The following COL24A1 variants were observed in gnomAD, a reference collection of about 807,000 sequenced individuals.
The protein encoded by COL24A1 is collagen type XXIV alpha 1 chain, also known as collagen alpha-1(XXIV) chain.
Under a neutral mutation model 253.9 loss-of-function variants are expected in COL24A1, and 224 were observed. The ratio of observed to expected loss-of-function variants is 0.88; its 90% CI spans 0.79 to 0.99. The LOEUF (loss-of-function observed/expected upper bound fraction) is 0.99. Among genes scored for constraint, COL24A1 ranks in the 50% least tolerant of loss-of-function variants. The probability of loss-of-function intolerance (pLI) is 0.00; values close to 1 mark genes in which losing one functional copy is unlikely to be tolerated. For missense variants in COL24A1, 2,131 were observed against 2,068.5 expected, an observed-to-expected ratio of 1.03 and a Z score of -0.59; for synonymous variants, 685 against 673.7, an observed-to-expected ratio of 1.02 and a Z score of -0.26.
At chr1:86,132,385 C>T (rs1240434227) in intron 2 of COL24A1, among the ~76,000 whole-genome samples, 1 of 152,080 alleles carries the variant, frequency 6.6e-6, no homozygotes, top group Non-Finnish European at 1.5e-5. Context: ...TCCCATTTGT[C>T]AATTTTGGCT....
At chr1:86,022,932 C>T (rs761670463) in intron 15 of COL24A1, 22 bp downstream of exon 15, 8 of 1,612,626 alleles carry the variant, frequency 5.0e-6, no homozygotes, top group Admixed American at 1.7e-5. Context: ...GGGAAATATC[C>T]ATTATACAAA....
At chr1:86,034,522 C>T (rs1483132272) in intron 12 of COL24A1, among the ~76,000 whole-genome samples, 2 of 152,016 alleles carry the variant, frequency 1.3e-5, no homozygotes, top group East Asian at 1.9e-4. Flanking sequence ...GGAGGCAGAC[C>T]GATTCTAGAG....
chr1:85,957,339 C>G (rs1350393601), intron 24 of COL24A1, among the ~76,000 whole-genome samples: 3 of 151,620 alleles, frequency 2.0e-5, no homozygotes. Flanking sequence ...CACATGTATC[C>G]CAGAACTTAA....
chr1:85,829,984 A>C (rs1369989122), intron 43 of COL24A1, among the ~76,000 whole-genome samples: 1 of 152,014 alleles, frequency 6.6e-6, no homozygotes, highest in East Asian at 1.9e-4. Context: ...GTTCCTTTGG[A>C]GGAGGAGAGG....
At chr1:85,926,202 T>G (rs1337031752) in intron 24 of COL24A1, among the ~76,000 whole-genome samples, 1 of 152,016 alleles carries the variant, frequency 6.6e-6, no homozygotes. Flanking sequence ...TGTGGAAAAA[T>G]AGGAACGCTT....
intron 53 of COL24A1, among the ~76,000 whole-genome samples, chr1:85,773,437 T>C (rs1304084063): frequency 1.3e-5 from 2 of 152,230 alleles, no homozygotes; most frequent in Non-Finnish European, 2.9e-5. Context: ...GGGGATAGCA[T>C]TGAATCTATA....
At chr1:85,831,851 AG>A (rs1265981002) in intron 43 of COL24A1, among the ~76,000 whole-genome samples, 4 of 152,186 alleles carry the variant, frequency 2.6e-5, no homozygotes, top group African/African-American at 9.6e-5. Flanking sequence ...CTAGTTGGGA[AG>A]CTATTGAAAT....
chr1:85,926,811 TATAATA>T (rs753818234), intron 24 of COL24A1, among the ~76,000 whole-genome samples: 15 of 151,688 alleles, frequency 9.9e-5, no homozygotes, highest in Non-Finnish European at 1.9e-4. Context: ...GAACTTAAAG[TATAATA>T]ATAATAATTA....
At chr1:85,968,953 A>G (rs1691841416) in intron 22 of COL24A1, among the ~76,000 whole-genome samples, 1 of 152,168 alleles carries the variant, frequency 6.6e-6, no homozygotes, top group Admixed American at 6.5e-5. Flanking sequence ...TTATTTTCAC[A>G]TCTAAAAATA....
At chr1:85,759,086 T>C (rs1380295021) in intron 55 of COL24A1, among the ~76,000 whole-genome samples, 1 of 152,108 alleles carries the variant, frequency 6.6e-6, no homozygotes, top group Non-Finnish European at 1.5e-5. Flanking sequence ...GAATCCCAAC[T>C]CAAAGTCTGA....
chr1:86,048,916 G>C (rs911567196), intron 11 of COL24A1, among the ~76,000 whole-genome samples: 1 of 152,160 alleles, frequency 6.6e-6, no homozygotes, highest in African/African-American at 2.4e-5. Context: ...ATTTTACAAG[G>C]ACATATAATT....
At chr1:85,785,920 T>C (rs545903419) in intron 48 of COL24A1, among the ~76,000 whole-genome samples, 1 of 152,246 alleles carries the variant, frequency 6.6e-6, no homozygotes, top group African/African-American at 2.4e-5. Flanking sequence ...ACTTAGTTAC[T>C]GTCACATTAA....
intron 2 of COL24A1, among the ~76,000 whole-genome samples, chr1:86,128,478 A>G (rs1648656798): frequency 6.6e-6 from 1 of 152,004 alleles, no homozygotes; most frequent in Admixed American, 6.6e-5. Context: ...GATACCAAAT[A>G]AGCTACATAT....
In COL24A1 at chr1:85,838,630, C is replaced by T. The variant is rs752632985; in HGVS notation, c.3636G>A (p.Val1212=). The change falls in exon 43 of 60, where the codon GTG becomes GTA. Residue 1212 remains valine, a synonymous_variant. Coordinates refer to ENST00000370571, the MANE Select transcript of COL24A1 (RefSeq NM_152890.7). The part of the protein sequence containing the change: ...PPGPRGEPGP[V]GDQGERGEPG... ...GCTCTCCTCTCTCTCCTTGGTCCCC[C>T]ACTGGACCCTACAGAGACCACACAC... The T allele has an allele frequency of 3.7e-6, 6 of 1,613,902 alleles. No homozygotes were observed. Among genetic ancestry groups the T allele is most frequent in the Middle Eastern group, 1.7e-4 (1 of 6,060 alleles).
intron 5 of COL24A1, among the ~76,000 whole-genome samples, chr1:86,108,479 G>A (rs1050779455): frequency 3.3e-5 from 5 of 151,622 alleles, no homozygotes; most frequent in Non-Finnish European, 5.9e-5. Context: ...CAGCAACAGA[G>A]CTTATTAAGA....
chr1:85,854,920 TC>T (rs989704138), intron 37 of COL24A1, among the ~76,000 whole-genome samples: 5 of 152,140 alleles, frequency 3.3e-5, no homozygotes, highest in Non-Finnish European at 5.9e-5. Flanking sequence ...GCCGGGATGG[TC>T]TTGATCTCTT....
intron 12 of COL24A1, among the ~76,000 whole-genome samples, chr1:86,041,461 A>G (rs1699475964): frequency 6.6e-6 from 1 of 152,132 alleles, no homozygotes; most frequent in African/African-American, 2.4e-5. Flanking sequence ...AACTTGGTAC[A>G]AGACAGAGAC....
intron 19 of COL24A1, among the ~76,000 whole-genome samples, chr1:86,012,191 T>C (rs929756591): frequency 2.6e-5 from 4 of 151,830 alleles, no homozygotes; most frequent in Non-Finnish European, 5.9e-5. Context: ...CCAGTAAAGG[T>C]TAATAAATCA....
intron 14 of COL24A1, among the ~76,000 whole-genome samples, chr1:86,024,360 T>C (rs565860): frequency 0.22 from 33,853 of 151,968 alleles, 4,469 homozygotes; most frequent in African/African-American, 0.36. Context: ...CCCAACATAA[T>C]AACTGGCAGA....
Sources: gnomAD v4.1 joint callset for allele counts (sites outside exome capture counted in the v4.1 genomes callset) on GRCh38, gnomAD v4.1.1 for gene constraint, MANE v1.5 for transcripts, NCBI Gene and HGNC (gene_info 2026-07-23, HGNC 2026-07-21) for gene names.